The following GRHL2 variants were observed in gnomAD, a reference collection of about 807,000 sequenced individuals.
GRHL2 encodes grainyhead-like protein 2 homolog.
Under a neutral mutation model 83.8 loss-of-function variants are expected in GRHL2, and 21 were observed. That is an observed-to-expected ratio of 0.25 (90% CI 0.18 to 0.36). The LOEUF (loss-of-function observed/expected upper bound fraction) is 0.36. GRHL2 is among the 10% of genes least tolerant of loss of function. The pLI, the probability that GRHL2 is intolerant of heterozygous loss-of-function variation, is 1.00. For synonymous variants in GRHL2, 280 were observed against 278.9 expected, an observed-to-expected ratio of 1.00 and a Z score of -0.04; for missense variants, 623 against 781.8, an observed-to-expected ratio of 0.80 and a Z score of 2.42.
intron 9 of GRHL2, among the ~76,000 whole-genome samples, chr8:101,621,063 T>C (rs1359910979): frequency 6.6e-6 from 1 of 152,110 alleles, no homozygotes. Context: ...AATCTGACTA[T>C]ATTTGTATCA....
In GRHL2 at chr8:101,622,682, CTT is replaced by C. The variant is rs368910361; in HGVS notation, c.1257+2990_1257+2991del. On this transcript the variant is annotated intron_variant, in intron 9 of 15. Coordinates refer to ENST00000646743, the MANE Select transcript of GRHL2 (RefSeq NM_024915.4). ...AGCCAGTTCACTATTGCCCAACACT[CTT>C]TTTTAAAATTATTTTTCCGTAAGTT... is the stretch of plus-strand genomic sequence containing the variant. Among the ~76,000 whole-genome samples the C allele has an allele frequency of 5.0e-3, 763 of 152,158 alleles. 7 individuals are homozygous for C. The highest frequency in any genetic ancestry group is 0.017 in the African/African-American group (705 of 41,498).
intron 13 of GRHL2, among the ~76,000 whole-genome samples, chr8:101,646,195 A>G (rs1357131719): frequency 2.6e-5 from 4 of 152,190 alleles, no homozygotes; most frequent in Non-Finnish European, 5.9e-5. Flanking sequence ...CTGATTTCAC[A>G]AACTCACCAT....
chr8:101,558,730 C>T lies in GRHL2; in HGVS notation c.596C>T (p.Thr199Ile), dbSNP rs371212649. The T allele has an allele frequency of 1.2e-6, 2 of 1,614,138 alleles. No individual in the cohort carries two copies. Among genetic ancestry groups the T allele is most frequent in the African/African-American group, 1.3e-5 (1 of 75,024 alleles). ...QTQYDVPSLA[T>I]HSAYLKDDQR... ...CAGTATGACGTGCCCTCGCTGGCCA[C>T]CCACAGCGCCTATCTCAAAGACGAC... Residue 199 changes from threonine to isoleucine, a missense_variant, in exon 4 of 16, where the codon ACC (threonine) becomes ATC (isoleucine). By Grantham distance (89) the Thr-to-Ile change is moderately conservative. Transcript: ENST00000646743.
chr8:101,539,143 G>A (rs1429049431), intron 1 of GRHL2, among the ~76,000 whole-genome samples: 7 of 152,110 alleles, frequency 4.6e-5, no homozygotes, highest in Admixed American at 3.9e-4. Flanking sequence ...AGTGTAAATC[G>A]AGACTTGGCT....
In GRHL2 at chr8:101,619,524, TTCTC is replaced by T. The variant is rs752955981; in HGVS notation, c.1099-13_1099-10del. On this transcript the variant is annotated splice_polypyrimidine_tract_variant and intron_variant, in intron 8 of 15. Coordinates refer to ENST00000646743, the MANE Select transcript of GRHL2 (RefSeq NM_024915.4). ...TTATGTTGACTTGTGAACTTTTTCT[TTCTC>T]TTTCCCTCAGATTTTCATCACCGTG... is the stretch of plus-strand genomic sequence containing the variant. The T allele has an allele frequency of 3.7e-6, 6 of 1,613,418 alleles. No homozygotes were observed. The highest frequency in any genetic ancestry group is 4.2e-6 in the Non-Finnish European group (5 of 1,179,678).
intron 7 of GRHL2, among the ~76,000 whole-genome samples, chr8:101,587,159 A>AT (rs1812185838): frequency 6.6e-6 from 1 of 152,142 alleles, no homozygotes. Context: ...TCCCTTCGTC[A>AT]TTTTCCTTCA....
At chr8:101,509,016 T>C (rs958198608) in intron 1 of GRHL2, among the ~76,000 whole-genome samples, 4 of 152,072 alleles carry the variant, frequency 2.6e-5, no homozygotes, top group Admixed American at 2.6e-4. Flanking sequence ...TATTTCGATT[T>C]CAAAGGTCTG....
chr8:101,564,182 A>G (rs1369111163), intron 4 of GRHL2, among the ~76,000 whole-genome samples: 1 of 152,228 alleles, frequency 6.6e-6, no homozygotes, highest in Non-Finnish European at 1.5e-5. Context: ...CAGTGTTTAC[A>G]TGGCATGTTG....
At chr8:101,678,859 AG>A in the GRHL2 span, among the ~76,000 whole-genome samples, 1 of 147,850 alleles carries the variant, frequency 6.8e-6, no homozygotes, top group Non-Finnish European at 1.5e-5. Flanking sequence ...CCTGCAGCTG[AG>A]GGTCCTGTCT....
At chr8:101,511,755 A>T (rs923033029) in intron 1 of GRHL2, among the ~76,000 whole-genome samples, 1 of 152,048 alleles carries the variant, frequency 6.6e-6, no homozygotes, top group Non-Finnish European at 1.5e-5. Flanking sequence ...TTTTCCCCCA[A>T]GCAAATTTCT....
intron 9 of GRHL2, among the ~76,000 whole-genome samples, chr8:101,622,578 C>T (rs1399514886): frequency 6.6e-6 from 1 of 152,064 alleles, no homozygotes; most frequent in East Asian, 1.9e-4. Context: ...TAACTGCTTA[C>T]AGAGATTAAC....
At chr8:101,641,797 C>T (rs915336426) in intron 12 of GRHL2, among the ~76,000 whole-genome samples, 2 of 152,038 alleles carry the variant, frequency 1.3e-5, no homozygotes, top group South Asian at 2.1e-4. Context: ...GCCTCAGGAC[C>T]GCCCACGGAT....
chr8:101,524,338 T>C (rs141949769), intron 1 of GRHL2, among the ~76,000 whole-genome samples: 97 of 152,360 alleles, frequency 6.4e-4, no homozygotes, highest in Middle Eastern at 6.8e-3. Context: ...AGTCTTTACT[T>C]CGTTAATTTG....
Position 101,570,402 on chromosome 8 carries a change from A to T in GRHL2, c.734+8A>T, listed in dbSNP as rs149048448. The T allele has an allele frequency of 1.4e-5, 23 of 1,609,620 alleles. No homozygotes were observed. The African/African-American group carries it at 2.8e-4, about 20-fold the overall frequency. The stretch of plus-strand genomic sequence containing the variant: ...GTATGATCAGACATCAAGGTGAGTT[A>T]CCAGGAGATGCATCCTTAGAAACTG... On this transcript the variant is annotated splice_region_variant and intron_variant, in intron 5 of 15. Coordinates refer to ENST00000646743, the MANE Select transcript of GRHL2 (RefSeq NM_024915.4).
chr8:101,673,149 T>A (rs1009662309), downstream of GRHL2, among the ~76,000 whole-genome samples: 1 of 150,796 alleles, frequency 6.6e-6, no homozygotes, highest in Admixed American at 6.6e-5. Context: ...CATCAACTAA[T>A]GAGCAAAATA....
At chr8:101,653,455 G>C (rs1466339869) in intron 14 of GRHL2, among the ~76,000 whole-genome samples, 1 of 152,136 alleles carries the variant, frequency 6.6e-6, no homozygotes, top group East Asian at 1.9e-4. Context: ...TGTGGACCTA[G>C]GGCATTGCTT....
chr8:101,521,889 C>CTGTG (rs1179151712), intron 1 of GRHL2, among the ~76,000 whole-genome samples: 2 of 152,190 alleles, frequency 1.3e-5, no homozygotes, highest in Non-Finnish European at 2.9e-5. Context: ...ATAGGAGAGA[C>CTGTG]TGTGTCTGGC....
At chr8:101,605,206 A>G (rs1184823615) in intron 8 of GRHL2, among the ~76,000 whole-genome samples, 3 of 152,316 alleles carry the variant, frequency 2.0e-5, no homozygotes, top group Middle Eastern at 3.4e-3. Flanking sequence ...GCTGAGACCC[A>G]ATGGAGGTGG....
At chr8:101,592,263 C>T (rs996755275) in intron 7 of GRHL2, among the ~76,000 whole-genome samples, 5 of 151,892 alleles carry the variant, frequency 3.3e-5, no homozygotes, top group Admixed American at 2.6e-4. Context: ...CACAACCACG[C>T]CCGGCTAATT....
Sources: gnomAD v4.1 joint callset for allele counts (sites outside exome capture counted in the v4.1 genomes callset) on GRCh38, gnomAD v4.1.1 for gene constraint, MANE v1.5 for transcripts, NCBI Gene and HGNC (gene_info 2026-07-23, HGNC 2026-07-21) for gene names.